The following RHBDD1 variants were observed in gnomAD, a reference collection of about 807,000 sequenced individuals.
The protein encoded by RHBDD1 is rhomboid-related protein 4.
Under a neutral mutation model 36.3 loss-of-function variants are expected in RHBDD1, and 38 were observed. The observed-to-expected ratio is 1.05, with a 90% CI of 0.81 to 1.37. RHBDD1 has a LOEUF of 1.37. Among genes scored for constraint, RHBDD1 ranks in the 40% most tolerant of loss-of-function variants. RHBDD1 has a pLI of 0.00. For synonymous variants in RHBDD1, 151 were observed against 136.5 expected, an observed-to-expected ratio of 1.11 and a Z score of -0.74; for missense variants, 393 against 377.6, an observed-to-expected ratio of 1.04 and a Z score of -0.34.
intron 5 of RHBDD1, among the ~76,000 whole-genome samples, chr2:226,882,342 A>G (rs1945816705): frequency 6.8e-6 from 1 of 147,472 alleles, no homozygotes; most frequent in South Asian, 2.3e-4. Context: ...AGGCAGGAGA[A>G]TTGCTTGAAC....
chr2:226,989,852 T>C (rs1255841653), intron 8 of RHBDD1, among the ~76,000 whole-genome samples: 1 of 152,194 alleles, frequency 6.6e-6, no homozygotes, highest in African/African-American at 2.4e-5. Context: ...TATTTCACAA[T>C]GCAGGGTGCT....
intron 8 of RHBDD1, among the ~76,000 whole-genome samples, chr2:226,961,367 C>T (rs1417575350): frequency 6.6e-6 from 1 of 152,184 alleles, no homozygotes; most frequent in African/African-American, 2.4e-5. Context: ...TCTCTTTCTC[C>T]TCTTCCACAT....
intron 8 of RHBDD1, among the ~76,000 whole-genome samples, chr2:226,979,916 A>G (rs928360843): frequency 4.6e-5 from 7 of 152,200 alleles, no homozygotes; most frequent in African/African-American, 7.2e-5. Context: ...GATAGAGAAC[A>G]ATGGACAAAT....
At chr2:226,942,164 C>G (rs931293373) in intron 8 of RHBDD1, among the ~76,000 whole-genome samples, 1 of 151,818 alleles carries the variant, frequency 6.6e-6, no homozygotes, top group African/African-American at 2.4e-5. Context: ...AAGTCTGTAG[C>G]CTGTCATATA....
At chr2:226,907,645 T>A (rs545052779) in intron 6 of RHBDD1, among the ~76,000 whole-genome samples, 1 of 152,362 alleles carries the variant, frequency 6.6e-6, no homozygotes, top group African/African-American at 2.4e-5. Context: ...TGCTGATGAC[T>A]GGTATTCTTG....
intron 8 of RHBDD1, among the ~76,000 whole-genome samples, chr2:226,965,394 T>G (rs1952545360): frequency 6.6e-6 from 1 of 152,174 alleles, no homozygotes; most frequent in Non-Finnish European, 1.5e-5. Context: ...GGAACTCAGT[T>G]TGCAATAATT....
At chr2:226,891,421 A>G (rs1946680419) in intron 5 of RHBDD1, among the ~76,000 whole-genome samples, 1 of 152,230 alleles carries the variant, frequency 6.6e-6, no homozygotes, top group Non-Finnish European at 1.5e-5. Flanking sequence ...TGTAATATTA[A>G]TAGCATAATC....
chr2:226,876,806 TCATAA>T (rs1945276938), intron 5 of RHBDD1, among the ~76,000 whole-genome samples: 1 of 152,178 alleles, frequency 6.6e-6, no homozygotes, highest in South Asian at 2.1e-4. Context: ...TCATTAACAT[TCATAA>T]CATAATTTAT....
At chr2:226,939,896 AT>A (rs1950560195) in intron 8 of RHBDD1, among the ~76,000 whole-genome samples, 1 of 152,194 alleles carries the variant, frequency 6.6e-6, no homozygotes, top group African/African-American at 2.4e-5. Context: ...CCAAAACAGT[AT>A]GGTAGTGGCA....
chr2:226,961,276 G>T (rs1460499862), intron 8 of RHBDD1, among the ~76,000 whole-genome samples: 1 of 152,144 alleles, frequency 6.6e-6, no homozygotes, highest in Non-Finnish European at 1.5e-5. Context: ...TCGTGGGGCA[G>T]CTGGGATGCC....
intron 5 of RHBDD1, chr2:226,869,331 C>T (rs1469015541): frequency 1.9e-5 from 5 of 260,166 alleles, no homozygotes; most frequent in East Asian, 1.8e-4. Flanking sequence ...CATCTACTTA[C>T]ACATGTATCC....
intron 8 of RHBDD1, among the ~76,000 whole-genome samples, chr2:226,994,063 G>C (rs1217099686): frequency 2.6e-5 from 4 of 152,204 alleles, no homozygotes; most frequent in Non-Finnish European, 4.4e-5. Context: ...ATGTGTGCTG[G>C]CTGCTGCTTT....
At chr2:226,884,487 T>TC (rs1233146600) in intron 5 of RHBDD1, among the ~76,000 whole-genome samples, 19 of 152,160 alleles carry the variant, frequency 1.2e-4, no homozygotes, top group Non-Finnish European at 2.1e-4. Flanking sequence ...TGGACATTGT[T>TC]CCCCCCTGAA....
intron 8 of RHBDD1, among the ~76,000 whole-genome samples, chr2:226,935,599 C>T (rs1372318710): frequency 1.3e-5 from 2 of 151,610 alleles, no homozygotes; most frequent in Non-Finnish European, 2.9e-5. Context: ...TTTATTTGTG[C>T]TGTGAGTCAC....
At chr2:226,855,372 T>G (rs1943222908) in intron 3 of RHBDD1, among the ~76,000 whole-genome samples, 1 of 152,166 alleles carries the variant, frequency 6.6e-6, no homozygotes, top group Non-Finnish European at 1.5e-5. Flanking sequence ...CTGGGTGTGG[T>G]GACACTTGCA....
chr2:226,929,548 T>G (rs1236461140), intron 8 of RHBDD1, among the ~76,000 whole-genome samples: 3 of 152,106 alleles, frequency 2.0e-5, no homozygotes, highest in Non-Finnish European at 2.9e-5. Flanking sequence ...AATATCATAC[T>G]GAATGGGAGA....
chr2:226,864,987 A>C lies in RHBDD1; in HGVS notation c.294A>C (p.Arg98Ser). The C allele has an allele frequency of 6.2e-7, 1 of 1,614,234 alleles. No individual in the cohort carries two copies. Among genetic ancestry groups the C allele is most frequent in the South Asian group, 1.1e-5 (1 of 91,088 alleles). The change falls in exon 4 of 9, where the codon AGA becomes AGC. Residue 98 changes from arginine (R) to serine (S), a missense_variant. Arg to Ser is a moderately radical substitution (Grantham distance 110, BLOSUM62 -1). Coordinates refer to ENST00000392062, the MANE Select transcript of RHBDD1 (RefSeq NM_001167608.3). Reference sequence around the variant, plus strand: ...GGAAAGGAATAAATCTAGAAAGAAGACTGGGAAGTAGATGGTTTGCCTATG... The same window carrying C: ...GGAAAGGAATAAATCTAGAAAGAAGCCTGGGAAGTAGATGGTTTGCCTATG... ...MLWKGINLER[R>S]LGSRWFAYVI...
intron 8 of RHBDD1, among the ~76,000 whole-genome samples, chr2:226,950,666 T>C (rs577092978): frequency 6.6e-6 from 1 of 152,336 alleles, no homozygotes; most frequent in Non-Finnish European, 1.5e-5. Flanking sequence ...TTTTTGATAA[T>C]AGCCATTCTA....
chr2:226,803,656 A>G, the RHBDD1 span, among the ~76,000 whole-genome samples: 1 of 152,240 alleles, frequency 6.6e-6, no homozygotes, highest in East Asian at 1.9e-4. Context: ...ATGAGATCAC[A>G]TAACAACCAA....
Sources: allele counts gnomAD v4.1 joint callset (sites outside exome capture counted in the v4.1 genomes callset), GRCh38; gene constraint gnomAD v4.1.1; transcripts MANE v1.5; gene names NCBI Gene and HGNC (gene_info 2026-07-23, HGNC 2026-07-21).